The following COL10A1 variants were observed in gnomAD, a reference collection of about 807,000 sequenced individuals.
The protein encoded by COL10A1 is collagen alpha-1(X) chain.
In COL10A1, 10 loss-of-function variants were observed where a neutral mutation model predicts 18.2. The observed-to-expected ratio is 0.55, with a 90% CI of 0.34 to 0.93. The LOEUF (loss-of-function observed/expected upper bound fraction) is 0.93. Among genes scored for constraint, COL10A1 ranks in the 40% least tolerant of loss-of-function variants. COL10A1 has a pLI of 0.02. For synonymous variants in COL10A1, 330 were observed against 316.6 expected (o/e 1.04, Z -0.45); for missense variants, 897 against 853.5 (o/e 1.05, Z -0.64).
chr6:116,168,578 T>C, the COL10A1 span, among the ~76,000 whole-genome samples: 1 of 152,296 alleles, frequency 6.6e-6, no homozygotes, highest in South Asian at 2.1e-4. Context: ...CTTCATGCCA[T>C]AGGAGCTGCT....
rs2114290699 is a variant in COL10A1 at position 116,121,649 on chromosome 6, C to T, written c.467G>A (p.Gly156Glu). ...TGTGGGTCCCTGTTGTCCAGGTTTT[C>T]CTGGCACAGAAATTCCAGCCGGTCC... ...IPGPAGISVP[G>E]KPGQQGPTGA... is the part of the protein sequence containing the mutation. Residue 156 changes from glycine to glutamate, a missense_variant, in exon 3 of 3, where the codon GGA becomes GAA. Physicochemically the swap from Gly to Glu is moderately conservative, Grantham distance 98. Transcript: ENST00000651968. 6.2e-7 allele frequency: 1 copy of T among 1,613,982 alleles called. No individual in the cohort carries two copies. Among genetic ancestry groups the T allele is most frequent in the Non-Finnish European group, 8.5e-7 (1 of 1,179,896 alleles).
At chr6:116,178,742 A>G in the COL10A1 span, among the ~76,000 whole-genome samples, 2 of 152,234 alleles carry the variant, frequency 1.3e-5, no homozygotes, top group Non-Finnish European at 2.9e-5. Flanking sequence ...CTCTTGATTG[A>G]TGCCTCCCAA....
At chr6:116,124,860 G>A (rs1362576673) in intron 2 of COL10A1, among the ~76,000 whole-genome samples, 2 of 152,154 alleles carry the variant, frequency 1.3e-5, no homozygotes, top group Admixed American at 6.5e-5. Context: ...TTGGGGGGGA[G>A]GCCATCAGAT....
chr6:116,144,801 GAGTT>G (rs1190519874), intron 1 of COL10A1, among the ~76,000 whole-genome samples: 2 of 152,120 alleles, frequency 1.3e-5, no homozygotes, highest in East Asian at 1.9e-4. Flanking sequence ...TGACAACTGT[GAGTT>G]AGTTCACCAC....
intron 1 of COL10A1, among the ~76,000 whole-genome samples, chr6:116,157,485 C>G (rs950096883): frequency 6.6e-6 from 1 of 152,138 alleles, no homozygotes; most frequent in African/African-American, 2.4e-5. Flanking sequence ...TCAGTGAAGT[C>G]TTAAAACTAA....
At chr6:116,215,511 A>G in the COL10A1 span, among the ~76,000 whole-genome samples, 47 of 152,014 alleles carry the variant, frequency 3.1e-4, no homozygotes, top group African/African-American at 1.1e-3. Context: ...GCCTGTCCAG[A>G]TATTATTGTA....
intron 1 of COL10A1, among the ~76,000 whole-genome samples, chr6:116,142,662 T>TCGATGGCGGG (rs1434757796): frequency 6.6e-6 from 1 of 152,164 alleles, no homozygotes; most frequent in Non-Finnish European, 1.5e-5. Context: ...CTTAAAGCAG[T>TCGATGGCGGG]CGATGGCAGT....
chr6:116,187,528 A>G, the COL10A1 span, among the ~76,000 whole-genome samples: 1 of 152,102 alleles, frequency 6.6e-6, no homozygotes, highest in South Asian at 2.1e-4. Context: ...TGACAACTAG[A>G]AGATCACTGA....
the COL10A1 span, among the ~76,000 whole-genome samples, chr6:116,188,905 A>G: frequency 1.7e-3 from 257 of 152,036 alleles, no homozygotes; most frequent in African/African-American, 6.0e-3. Context: ...TTTATTTATA[A>G]TTAAGCTTCA....
chr6:116,190,313 A>G, the COL10A1 span, among the ~76,000 whole-genome samples: 1 of 152,112 alleles, frequency 6.6e-6, no homozygotes, highest in South Asian at 2.1e-4. Context: ...TCCTTAAAAA[A>G]TGAGATTATT....
the COL10A1 span, among the ~76,000 whole-genome samples, chr6:116,188,934 GA>G: frequency 6.6e-6 from 1 of 151,722 alleles, no homozygotes; most frequent in Non-Finnish European, 1.5e-5. Context: ...TTGCAGAGTG[GA>G]GTTTAATTTA....
At position 116,120,629 on chromosome 6, in the gene COL10A1, C is replaced by T. The variant is rs1779086461; in HGVS notation, c.1487G>A (p.Gly496Asp). ...NGPTGPPGPP[G>D]PRGHSGEPGL... is the part of the protein sequence containing the mutation. ...AGGCTCTCCAGAGTGGCCTCTTGGA[C>T]CTGGAGGCCCTGGTGGCCCGGTGGG... is the stretch of plus-strand genomic sequence containing the variant. The change falls in exon 3 of 3, where the codon GGT (glycine) becomes GAT (aspartate). Residue 496 changes from glycine to aspartate, a missense_variant. Transcript: ENST00000651968. The T allele has an allele frequency of 1.3e-6, 2 of 1,553,924 alleles. No homozygotes were observed. Among genetic ancestry groups the T allele is most frequent in the Admixed American group, 2.1e-5 (1 of 47,512 alleles).
intron 1 of COL10A1, among the ~76,000 whole-genome samples, chr6:116,142,378 T>C (rs1016269448): frequency 6.6e-6 from 1 of 152,116 alleles, no homozygotes; most frequent in Non-Finnish European, 1.5e-5. Context: ...CCACATAAAC[T>C]TGAAAGCACC....
At chr6:116,187,312 T>C in the COL10A1 span, among the ~76,000 whole-genome samples, 1 of 152,034 alleles carries the variant, frequency 6.6e-6, no homozygotes, top group Non-Finnish European at 1.5e-5. Context: ...TGTATTTTTG[T>C]TAAGTCCAAC....
the COL10A1 span, among the ~76,000 whole-genome samples, chr6:116,194,470 T>G: frequency 2.6e-5 from 4 of 151,866 alleles, no homozygotes; most frequent in Admixed American, 2.6e-4. Context: ...TGGGAATTGG[T>G]GAGAAGGGGA....
the COL10A1 span, among the ~76,000 whole-genome samples, chr6:116,205,921 A>G: frequency 4.1e-3 from 619 of 152,064 alleles, 6 homozygotes; most frequent in African/African-American, 0.014. Context: ...TCATATCTGC[A>G]CAATGAGATT....
chr6:116,159,557 T>C (rs1276159524), upstream of COL10A1, among the ~76,000 whole-genome samples: 5 of 152,228 alleles, frequency 3.3e-5, no homozygotes, highest in Admixed American at 2.6e-4. Context: ...TTGCTGAATC[T>C]GTATGATGTA....
the COL10A1 span, among the ~76,000 whole-genome samples, chr6:116,185,941 A>G: frequency 6.6e-6 from 1 of 151,750 alleles, no homozygotes; most frequent in African/African-American, 2.4e-5. Context: ...GATTTTTTTC[A>G]TTGTATTGTT....
At chr6:116,159,304 T>C (rs1582842810), upstream of COL10A1, among the ~76,000 whole-genome samples, 1 of 152,352 alleles carries the variant, frequency 6.6e-6, no homozygotes, top group East Asian at 1.9e-4. Flanking sequence ...AACATAACTT[T>C]CTTTTTCCAT....
Sources: allele counts gnomAD v4.1 joint callset (sites outside exome capture counted in the v4.1 genomes callset), GRCh38; gene constraint gnomAD v4.1.1; transcripts MANE v1.5; gene names NCBI Gene and HGNC (gene_info 2026-07-23, HGNC 2026-07-21).